The following ZSCAN5A variants were observed in gnomAD, a reference collection of about 807,000 sequenced individuals.
ZSCAN5A encodes zinc finger and SCAN domain containing 5A.
A neutral mutation model predicts 23.7 loss-of-function variants in ZSCAN5A; 12 were observed. The observed-to-expected ratio is 0.51, with a 90% CI of 0.32 to 0.82. The LOEUF (loss-of-function observed/expected upper bound fraction) is 0.82, where lower values mean the gene tolerates loss of function less well. ZSCAN5A is among the 40% of genes least tolerant of loss of function. The pLI is 0.03. For synonymous variants in ZSCAN5A, 257 were observed against 239.9 expected (o/e 1.07, Z -0.66); for missense variants, 597 against 617.9 (o/e 0.97, Z 0.36).
chr19:56,222,482 C>T lies in ZSCAN5A; in HGVS notation c.739+109G>A. ...CTCTGGAAAGTAGAGGATGGGGAGG[C>T]TTTGACAGCTGAGTGCCAACTCCCC... On this transcript the variant is annotated intron_variant, in intron 5 of 5. Coordinates refer to ENST00000683990, the MANE Select transcript of ZSCAN5A (RefSeq NM_001322064.3). The T allele has an allele frequency of 3.2e-6, 5 of 1,551,644 alleles. 1 individual carries two copies. Among genetic ancestry groups the T allele is most frequent in the Middle Eastern group, 1.8e-4 (1 of 5,602 alleles).
chr19:56,342,864 T>A, intron 2 of ZSCAN5A: 1 of 946,830 alleles, frequency 1.1e-6, no homozygotes, highest in Non-Finnish European at 1.7e-6. Flanking sequence ...ATCCTGGATA[T>A]CATTGCACAG....
At chr19:56,251,148 T>TAAAA (rs34825803) in intron 2 of ZSCAN5A, among the ~76,000 whole-genome samples, 1 of 131,054 alleles carries the variant, frequency 7.6e-6, no homozygotes. Context: ...AGACTCCGTG[T>TAAAA]AAAAAAAAAA....
intron 2 of ZSCAN5A, among the ~76,000 whole-genome samples, chr19:56,299,227 G>C (rs984283194): frequency 2.6e-5 from 4 of 151,698 alleles, no homozygotes; most frequent in African/African-American, 4.8e-5. Flanking sequence ...AAACTCCTAG[G>C]CTCAAGTGAT....
At chr19:56,297,519 T>C in intron 2 of ZSCAN5A, 1 of 985,328 alleles carries the variant, frequency 1.0e-6, no homozygotes, top group Non-Finnish European at 1.2e-6. Flanking sequence ...AACAAGTGGC[T>C]GCAAGGAGGA....
intron 2 of ZSCAN5A, among the ~76,000 whole-genome samples, chr19:56,274,182 G>A (rs1275593797): frequency 6.6e-6 from 1 of 151,990 alleles, no homozygotes; most frequent in Non-Finnish European, 1.5e-5. Context: ...GGTCGGGCGC[G>A]GTGGCTCACA....
chr19:56,321,925 C>T (rs2041380166), intron 2 of ZSCAN5A: 1 of 781,562 alleles, frequency 1.3e-6, no homozygotes, highest in Non-Finnish European at 2.4e-6. Flanking sequence ...GCTCAATATC[C>T]AACTTCATCA....
intron 2 of ZSCAN5A, chr19:56,310,164 T>G (rs2040946825): frequency 6.6e-6 from 1 of 152,456 alleles, no homozygotes; most frequent in East Asian, 1.9e-4. Context: ...CTGCTCCATC[T>G]CAGCTTAGCC....
At chr19:56,245,828 A>C (rs371332090) in intron 2 of ZSCAN5A, among the ~76,000 whole-genome samples, 30 of 152,254 alleles carry the variant, frequency 2.0e-4, no homozygotes, top group South Asian at 1.5e-3. Context: ...TTTGCCTTTC[A>C]GGACACATGG....
At chr19:56,302,995 G>A in intron 2 of ZSCAN5A, 1 of 397,408 alleles carries the variant, frequency 2.5e-6, no homozygotes, top group Non-Finnish European at 4.4e-6. Context: ...TGCTAGTGCA[G>A]GAGGCAGTGG....
chr19:56,243,736 T>A (rs1306093717), intron 2 of ZSCAN5A, among the ~76,000 whole-genome samples: 1 of 152,056 alleles, frequency 6.6e-6, no homozygotes, highest in East Asian at 1.9e-4. Flanking sequence ...CAGGGGAGCA[T>A]TAGGATTTTA....
At chr19:56,223,977 C>T (rs1280908899) in intron 3 of ZSCAN5A, 143 bp from the exon 4 acceptor site, 6 of 763,644 alleles carry the variant, frequency 7.9e-6, no homozygotes, top group South Asian at 1.9e-5. Context: ...GCTCTGTGGA[C>T]ACAGCAATCC....
intron 2 of ZSCAN5A, among the ~76,000 whole-genome samples, chr19:56,248,257 T>TTCTTC: frequency 6.6e-6 from 1 of 151,988 alleles, no homozygotes; most frequent in Non-Finnish European, 1.5e-5. Flanking sequence ...TTGCTTCTTT[T>TTCTTC]TCTTCTCTTT....
chr19:56,362,672 A>G (rs1462687352), intron 2 of ZSCAN5A, among the ~76,000 whole-genome samples: 2 of 152,214 alleles, frequency 1.3e-5, no homozygotes, highest in Non-Finnish European at 2.9e-5. Flanking sequence ...GATTAAGACC[A>G]TCCTGGCTAA....
rs2033216702 is a variant in ZSCAN5A at position 56,221,853 on chromosome 19, T to C, written c.1213A>G (p.Thr405Ala). 4 of 1,614,030 alleles carry C rather than the reference T, an allele frequency of 2.5e-6. No individual in the cohort carries two copies. The highest frequency in any genetic ancestry group is 4.5e-5 in the East Asian group (2 of 44,886). The change falls in exon 6 of 6, where the codon ACC becomes GCC. Residue 405 changes from threonine (T) to alanine (A), a missense_variant. Coordinates refer to ENST00000683990, the MANE Select transcript of ZSCAN5A (RefSeq NM_001322064.3). ...GTGTAGGGCCTCTCGCCAGTGTGGG[T>C]TCGCTGGTGAAATTGGAGGCTAATA... ...QLISLQFHQRTHTGERPYTCD... is the reference protein window; with the variant it reads ...QLISLQFHQRAHTGERPYTCD...
At chr19:56,248,784 A>G (rs1018658130) in intron 2 of ZSCAN5A, among the ~76,000 whole-genome samples, 5 of 151,982 alleles carry the variant, frequency 3.3e-5, no homozygotes, top group Admixed American at 6.6e-5. Context: ...AGTGGACAGC[A>G]CAGAGTTCCC....
intron 2 of ZSCAN5A, among the ~76,000 whole-genome samples, chr19:56,279,892 A>T (rs974371014): frequency 6.6e-6 from 1 of 152,168 alleles, no homozygotes; most frequent in Non-Finnish European, 1.5e-5. Flanking sequence ...TTAACAAAAC[A>T]GTATTTACAT....
At chr19:56,305,463 A>G (rs956508570) in intron 2 of ZSCAN5A, among the ~76,000 whole-genome samples, 5 of 152,176 alleles carry the variant, frequency 3.3e-5, no homozygotes, top group African/African-American at 1.2e-4. Context: ...GACATAGCAC[A>G]CTTTGTTTAT....
intron 2 of ZSCAN5A, among the ~76,000 whole-genome samples, chr19:56,298,969 C>T (rs144466765): frequency 6.6e-6 from 1 of 152,160 alleles, no homozygotes; most frequent in Non-Finnish European, 1.5e-5. Flanking sequence ...TTTGGCAATA[C>T]ATGTTAAACA....
intron 2 of ZSCAN5A, among the ~76,000 whole-genome samples, chr19:56,335,692 C>T (rs181990085): frequency 1.3e-5 from 2 of 152,358 alleles, no homozygotes; most frequent in African/African-American, 2.4e-5. Flanking sequence ...ATGGTCTTTA[C>T]AATTTGGCTT....
Sources: allele counts gnomAD v4.1 joint callset (sites outside exome capture counted in the v4.1 genomes callset), GRCh38; gene constraint gnomAD v4.1.1; transcripts MANE v1.5; gene names NCBI Gene and HGNC (gene_info 2026-07-23, HGNC 2026-07-21).